Variants in SEMA6D observed in about 807,000 individuals in gnomAD.
SEMA6D encodes the protein semaphorin-6D.
SEMA6D carries 35 observed loss-of-function variants against 106.6 expected under a neutral mutation model. The observed-to-expected ratio is 0.33, with a 90% CI of 0.25 to 0.44. The LOEUF (loss-of-function observed/expected upper bound fraction) is 0.44. Among genes scored for constraint, SEMA6D ranks in the 20% least tolerant of loss-of-function variants. The pLI, the probability that SEMA6D is intolerant of heterozygous loss-of-function variation, is 1.00. For missense variants in SEMA6D, 1,185 were observed against 1,345.9 expected (o/e 0.88, Z 1.87); for synonymous variants, 499 against 487.7 (o/e 1.02, Z -0.31).
intron 3 of SEMA6D, among the ~76,000 whole-genome samples, chr15:47,595,991 T>C (rs2076529347): frequency 1.3e-5 from 2 of 152,020 alleles, no homozygotes; most frequent in Non-Finnish European, 2.9e-5. Context: ...AGTAAGAAAG[T>C]AGTGAAATTG....
intron 3 of SEMA6D, among the ~76,000 whole-genome samples, chr15:47,552,289 A>G (rs2045719797): frequency 6.6e-6 from 1 of 152,096 alleles, no homozygotes; most frequent in African/African-American, 2.4e-5. Context: ...ATTGTGTGAA[A>G]TGTATATGTA....
At chr15:47,238,203 G>T (rs2032676276) in intron 1 of SEMA6D, among the ~76,000 whole-genome samples, 1 of 152,008 alleles carries the variant, frequency 6.6e-6, no homozygotes, top group Admixed American at 6.6e-5. Flanking sequence ...AGTTTATTTT[G>T]CTTTCAGGGA....
At chr15:47,345,916 G>A (rs1249516931) in intron 1 of SEMA6D, among the ~76,000 whole-genome samples, 1 of 152,122 alleles carries the variant, frequency 6.6e-6, no homozygotes, top group East Asian at 1.9e-4. Context: ...TTTCATAGGT[G>A]TATACACATA....
At chr15:47,283,858 A>C (rs2035242048) in intron 1 of SEMA6D, among the ~76,000 whole-genome samples, 1 of 152,216 alleles carries the variant, frequency 6.6e-6, no homozygotes, top group Admixed American at 6.5e-5. Flanking sequence ...GCTGTTGCAC[A>C]GACAGGGTCC....
At chr15:47,691,861 A>T in intron 4 of SEMA6D, among the ~76,000 whole-genome samples, 1 of 147,928 alleles carries the variant, frequency 6.8e-6, no homozygotes. Flanking sequence ...AAAAAAAAAA[A>T]GGAAAATACA....
chr15:47,248,556 C>T (rs929530233), intron 1 of SEMA6D, among the ~76,000 whole-genome samples: 5 of 152,214 alleles, frequency 3.3e-5, no homozygotes, highest in African/African-American at 1.2e-4. Context: ...TATGATTTGC[C>T]TAAGACAACA....
At chr15:47,752,055 TGA>T (rs1567075446) in intron 1 of SEMA6D, among the ~76,000 whole-genome samples, 1 of 152,074 alleles carries the variant, frequency 6.6e-6, no homozygotes, top group Non-Finnish European at 1.5e-5. Flanking sequence ...GGACTCCTTG[TGA>T]GAGGGGGCAG....
intron 3 of SEMA6D, among the ~76,000 whole-genome samples, chr15:47,471,916 C>CTCTCTT (rs2042851750): frequency 1.5e-5 from 2 of 132,156 alleles, no homozygotes; most frequent in African/African-American, 6.4e-5. Context: ...CTCTCTCTCT[C>CTCTCTT]TCTCTCTCTC....
intron 1 of SEMA6D, among the ~76,000 whole-genome samples, chr15:47,349,711 GA>G (rs2038234591): frequency 6.8e-6 from 1 of 147,610 alleles, no homozygotes; most frequent in Non-Finnish European, 1.5e-5. Flanking sequence ...TATGGATCTA[GA>G]GATAAAGCCT....
intron 7 of SEMA6D, 118 bp from the exon 8 acceptor site, chr15:47,762,082 T>G: frequency 2.7e-6 from 3 of 1,101,660 alleles, no homozygotes; most frequent in Non-Finnish European, 4.0e-6. Flanking sequence ...TGTAGCCCTA[T>G]TTGTATAGAT....
chr15:47,370,572 C>T (rs535873207), intron 1 of SEMA6D, among the ~76,000 whole-genome samples: 17 of 147,484 alleles, frequency 1.2e-4, no homozygotes, highest in African/African-American at 3.8e-4. Context: ...GGGCTGGGTG[C>T]GGTGGCTCAC....
intron 3 of SEMA6D, among the ~76,000 whole-genome samples, chr15:47,598,221 C>A (rs2076576407): frequency 6.6e-6 from 1 of 151,958 alleles, no homozygotes; most frequent in Middle Eastern, 3.2e-3. Flanking sequence ...AAGGCCATTC[C>A]ACACTCAAGG....
At chr15:47,428,632 G>C (rs1377464851) in intron 2 of SEMA6D, among the ~76,000 whole-genome samples, 1 of 151,940 alleles carries the variant, frequency 6.6e-6, no homozygotes, top group Admixed American at 6.6e-5. Flanking sequence ...AAGATACCTG[G>C]CCATGATGGT....
At chr15:47,529,945 G>C (rs1427234186) in intron 3 of SEMA6D, among the ~76,000 whole-genome samples, 1 of 152,144 alleles carries the variant, frequency 6.6e-6, no homozygotes, top group Non-Finnish European at 1.5e-5. Flanking sequence ...TTCATTCTTT[G>C]GGTAATAGTC....
At chr15:47,636,912 T>C (rs2077398882) in intron 4 of SEMA6D, among the ~76,000 whole-genome samples, 1 of 152,206 alleles carries the variant, frequency 6.6e-6, no homozygotes, top group South Asian at 2.1e-4. Context: ...AGTGTGCTCA[T>C]GGCTGCCCTA....
chr15:47,674,859 C>G (rs560762538), intron 4 of SEMA6D, among the ~76,000 whole-genome samples: 3 of 152,128 alleles, frequency 2.0e-5, no homozygotes, highest in Non-Finnish European at 4.4e-5. Flanking sequence ...ACTGCGCATC[C>G]GAATCCCTTC....
At chr15:47,592,551 G>A (rs1388023637) in intron 3 of SEMA6D, among the ~76,000 whole-genome samples, 1 of 152,158 alleles carries the variant, frequency 6.6e-6, no homozygotes, top group Non-Finnish European at 1.5e-5. Flanking sequence ...ATCATGGCGT[G>A]AGTTTCTGTG....
intron 3 of SEMA6D, among the ~76,000 whole-genome samples, chr15:47,523,431 G>A (rs1320349586): frequency 6.6e-6 from 1 of 152,012 alleles, no homozygotes; most frequent in Non-Finnish European, 1.5e-5. Flanking sequence ...TGGGGCAGGG[G>A]AAGACAGGAA....
intron 1 of SEMA6D, among the ~76,000 whole-genome samples, chr15:47,299,359 G>T (rs1306042652): frequency 1.3e-5 from 2 of 152,142 alleles, no homozygotes; most frequent in African/African-American, 4.8e-5. Flanking sequence ...AGCCAAATTT[G>T]CCTCACAGCA....
Sources: gnomAD v4.1 joint callset for allele counts (sites outside exome capture counted in the v4.1 genomes callset) on GRCh38, gnomAD v4.1.1 for gene constraint, MANE v1.5 for transcripts, NCBI Gene and HGNC (gene_info 2026-07-23, HGNC 2026-07-21) for gene names.